Variants in ERICH2 observed in about 807,000 individuals in gnomAD.
ERICH2 encodes glutamate rich 2.
ERICH2 carries 17 observed loss-of-function variants against 17.4 expected under a neutral mutation model. The ratio of observed to expected loss-of-function variants is 0.98; its 90% CI spans 0.67 to 1.47. The LOEUF (loss-of-function observed/expected upper bound fraction) is 1.47, where lower values mean the gene tolerates loss of function less well. ERICH2 is among the 40% of genes most tolerant of loss of function. The pLI is 0.00. For synonymous variants in ERICH2, 51 were observed against 61.1 expected (o/e 0.83, Z 0.77); for missense variants, 186 against 183.2 (o/e 1.01, Z -0.09).
chr2:170,798,810 T>C, exon 5 of ERICH2: 1 of 1,550,730 alleles, frequency 6.4e-7, no homozygotes, highest in Non-Finnish European at 8.7e-7. Flanking sequence ...AAAACAGTGA[T>C]GAAGACAGCA....
At chr2:170,798,012 C>T (rs1029840575) in intron 3 of ERICH2, 29 bp from the exon 9 acceptor site, 5 of 1,481,854 alleles carry the variant, frequency 3.4e-6, no homozygotes, top group Non-Finnish European at 3.7e-6. Context: ...GTTAATAACA[C>T]ACATTCTGTT....
intron 2 of ERICH2, among the ~76,000 whole-genome samples, chr2:170,788,036 T>G (rs748380886): frequency 6.6e-6 from 1 of 152,266 alleles, no homozygotes; most frequent in East Asian, 1.9e-4. Context: ...GCTTATGTAC[T>G]TCTCTTCTTA....
intron 2 of ERICH2, among the ~76,000 whole-genome samples, chr2:170,790,210 CTT>C (rs1362134470): frequency 6.6e-6 from 1 of 152,160 alleles, no homozygotes; most frequent in African/African-American, 2.4e-5. Flanking sequence ...AAAAAATAAA[CTT>C]CAGCTGGGCG....
upstream of ERICH2, chr2:170,782,345 TAC>T: frequency 1.0e-6 from 1 of 982,806 alleles, no homozygotes; most frequent in Non-Finnish European, 1.2e-6. Flanking sequence ...TTAACAAATC[TAC>T]AGTCTGACCT....
At position 170,784,609 on chromosome 2, in the gene ERICH2, G is replaced by T. The variant is rs555299862; in HGVS notation, c.29-37G>T. The stretch of plus-strand genomic sequence containing the variant: ...GCAAAATTTAATTTGCGAACTTTTC[G>T]ATCTCTTTTGATTAAATTAGGTATA... On this transcript the variant is annotated intron_variant, in intron 1 of 4. Coordinates refer to ENST00000409885, the Ensembl canonical transcript of ERICH2. The T allele has an allele frequency of 9.9e-6, 13 of 1,316,226 alleles. No homozygotes were observed. The Admixed American group carries it at 2.0e-4, about 21-fold the overall frequency. The allele number at this position is 1,316,226 out of a possible 1,614,324, so 81.5% of individuals were successfully genotyped here.
the ERICH2 span, among the ~76,000 whole-genome samples, chr2:170,775,296 G>A: frequency 6.6e-6 from 1 of 152,024 alleles, no homozygotes; most frequent in Non-Finnish European, 1.5e-5. Context: ...GCCGGATGTG[G>A]TGGTGCACAC....
intron 3 of ERICH2, among the ~76,000 whole-genome samples, chr2:170,797,796 A>G (rs555567788): frequency 9.5e-4 from 128 of 134,384 alleles, no homozygotes; most frequent in African/African-American, 2.9e-3. Context: ...TGTCTCAGGG[A>G]AAAAAAAAAA....
upstream of ERICH2, among the ~76,000 whole-genome samples, chr2:170,780,299 A>C (rs2105682326): frequency 6.6e-6 from 1 of 152,328 alleles, no homozygotes; most frequent in East Asian, 1.9e-4. Context: ...AACAGAAGTC[A>C]ATAGATTTTA....
intron 2 of ERICH2, among the ~76,000 whole-genome samples, chr2:170,786,232 A>G (rs1349199801): frequency 6.6e-6 from 1 of 152,080 alleles, no homozygotes; most frequent in Non-Finnish European, 1.5e-5. Context: ...AAATTCTCTC[A>G]GCCTTGTTTT....
At chr2:170,779,215 C>T (rs957745301), upstream of ERICH2, among the ~76,000 whole-genome samples, 1 of 152,046 alleles carries the variant, frequency 6.6e-6, no homozygotes, top group African/African-American at 2.4e-5. Context: ...TGTGACTGAC[C>T]TGCAAAGTTG....
At chr2:170,796,640 T>C (rs1701430906) in intron 3 of ERICH2, among the ~76,000 whole-genome samples, 1 of 151,850 alleles carries the variant, frequency 6.6e-6, no homozygotes, top group Non-Finnish European at 1.5e-5. Context: ...TTTCAGCAGG[T>C]TGCGAAGGCT....
At chr2:170,791,422 G>A (rs183603547) in intron 2 of ERICH2, among the ~76,000 whole-genome samples, 130 of 151,952 alleles carry the variant, frequency 8.6e-4, no homozygotes, top group Non-Finnish European at 1.5e-3. Context: ...CCTTAACTGA[G>A]CATGCATTTA....
chr2:170,784,882 T>C, intron 2 of ERICH2, 49 bp downstream of exon 7: 6 of 1,320,684 alleles, frequency 4.5e-6, no homozygotes, highest in Non-Finnish European at 5.9e-6. Flanking sequence ...AATATTGAAA[T>C]AACTAAAGAC....
rs1575411093 is a variant in ERICH2 at position 170,793,060 on chromosome 2, G to C, written c.274+140G>C. On this transcript the variant is annotated intron_variant, in intron 3 of 4. Transcript: ENST00000409885. ...TCAGTGATTCCTTGATAATAAATTA[G>C]GTTGATTGGTATAAGTACTAATTTA... 6.0e-6 allele frequency: 3 copies of C among 496,312 alleles called. No individual in the cohort carries two copies. The East Asian group carries it at 9.3e-5, about 15-fold the overall frequency. 30.7% of individuals were successfully genotyped at this position (496,312 alleles called of 1,614,324 possible). A position where few individuals can be genotyped will look rare whatever the true frequency, so the allele number is the denominator to read the frequency against.
intron 2 of ERICH2, among the ~76,000 whole-genome samples, chr2:170,791,827 T>C (rs1199184848): frequency 6.6e-6 from 1 of 152,084 alleles, no homozygotes; most frequent in Admixed American, 6.5e-5. Flanking sequence ...ATAAAATTTT[T>C]TTTAACCCAT....
At chr2:170,795,094 C>G (rs1357985756) in intron 3 of ERICH2, among the ~76,000 whole-genome samples, 1 of 150,864 alleles carries the variant, frequency 6.6e-6, no homozygotes, top group Non-Finnish European at 1.5e-5. Flanking sequence ...ATCCTCCCAC[C>G]TCAGCCTCCC....
the ERICH2 span, chr2:170,777,430 A>G: frequency 5.0e-6 from 6 of 1,203,986 alleles, no homozygotes; most frequent in East Asian, 1.4e-4. Context: ...CAAACGGTAA[A>G]TGATTTATTA....
At chr2:170,793,680 G>C (rs1325189201) in intron 3 of ERICH2, among the ~76,000 whole-genome samples, 1 of 152,238 alleles carries the variant, frequency 6.6e-6, no homozygotes, top group Non-Finnish European at 1.5e-5. Context: ...TCATAGGCAA[G>C]GGGTTGTCAG....
In ERICH2 at chr2:170,784,975, G is replaced by A. The variant is rs1401793576; in HGVS notation, c.216+142G>A. On this transcript the variant is annotated intron_variant, in intron 2 of 4. Coordinates refer to ENST00000409885, the Ensembl canonical transcript of ERICH2. ...CATAGAATGGTGGTTACCAGAAGCT[G>A]GACGGGAAGAAGGGAGATAAAGAGA... The A allele has an allele frequency of 9.2e-6, 6 of 650,966 alleles. No individual in the cohort carries two copies. In the East Asian group the frequency reaches 1.6e-4, roughly 17 times the overall value. 40.3% of individuals were successfully genotyped at this position (650,966 alleles called of 1,614,324 possible).
Sources: gnomAD v4.1 joint callset for allele counts (sites outside exome capture counted in the v4.1 genomes callset) on GRCh38, gnomAD v4.1.1 for gene constraint, MANE v1.5 for transcripts, NCBI Gene and HGNC (gene_info 2026-07-23, HGNC 2026-07-21) for gene names.